DNAH11: variants seen among roughly 807,000 people sequenced by gnomAD.
The protein encoded by DNAH11 is axonemal beta dynein heavy chain 11.
In DNAH11, 442 loss-of-function variants were observed where a neutral mutation model predicts 526.0. That is an observed-to-expected ratio of 0.84 (90% CI 0.78 to 0.91). DNAH11 has a LOEUF of 0.91. DNAH11 is among the 40% of genes least tolerant of loss of function. DNAH11 has a pLI of 0.00. For missense variants in DNAH11, 6,989 were observed against 5,448.7 expected (o/e 1.28, Z -8.90); for synonymous variants, 2,461 against 1,935.9 (o/e 1.27, Z -7.12).
At position 21,816,653 on chromosome 7, in the gene DNAH11, A is replaced by G. The variant is rs1789807654; in HGVS notation, c.10519A>G (p.Lys3507Glu). Residue 3507 changes from lysine to glutamate, a missense_variant, in exon 64 of 82, where the codon AAG (lysine) becomes GAG (glutamate). Coordinates refer to ENST00000409508, the MANE Select transcript of DNAH11 (RefSeq NM_001277115.2). ...CCAGCAACAGGGAATTAAGTGGATCAAGAATAAGTATGGAATGGACCTGAA... is the reference window on the plus strand; with the variant it reads ...CCAGCAACAGGGAATTAAGTGGATCGAGAATAAGTATGGAATGGACCTGAA... ...DPQQQGIKWI[K>E]NKYGMDLKVT... is the part of the protein sequence containing the mutation. 5.6e-6 allele frequency: 9 copies of G among 1,613,578 alleles called. No homozygotes were observed. Among genetic ancestry groups the G allele is most frequent in the African/African-American group, 1.3e-5 (1 of 74,892 alleles).
chr7:21,783,608 T>C (rs1035972528), intron 57 of DNAH11, among the ~76,000 whole-genome samples: 4 of 152,148 alleles, frequency 2.6e-5, no homozygotes, highest in African/African-American at 9.7e-5. Flanking sequence ...TCAGATTCTA[T>C]AGGTATCTTA....
chr7:21,681,282 C>T (rs545648765), intron 30 of DNAH11, among the ~76,000 whole-genome samples: 9 of 152,168 alleles, frequency 5.9e-5, no homozygotes, highest in Admixed American at 4.6e-4. Context: ...TAAGAATTAG[C>T]TGGGCGTGGT....
In DNAH11 at chr7:21,705,704, T is replaced by C. The variant is rs975423814; in HGVS notation, c.6546+167T>C. ...CTTGCTGCTTGATCAATTGACATTC[T>C]TTTCCTTTATATTGGGTCAGCGGGG... On this transcript the variant is annotated intron_variant, in intron 39 of 81. Transcript: ENST00000409508. 4.6e-5 allele frequency among the ~76,000 whole-genome samples: 7 copies of C among 152,096 alleles called. 1 individual carries two copies. Among genetic ancestry groups the C allele is most frequent in the African/African-American group, 1.7e-4 (7 of 41,410 alleles).
intron 25 of DNAH11, among the ~76,000 whole-genome samples, chr7:21,624,067 A>G (rs1263363045): frequency 1.3e-5 from 2 of 151,992 alleles, no homozygotes; most frequent in Admixed American, 6.6e-5. Context: ...GTACCTCTTA[A>G]AGGTCTCACC....
At chr7:21,661,671 A>C (rs1256062715) in intron 30 of DNAH11, among the ~76,000 whole-genome samples, 1 of 152,104 alleles carries the variant, frequency 6.6e-6, no homozygotes, top group Non-Finnish European at 1.5e-5. Flanking sequence ...AGTAGACTCA[A>C]ATCTCAGCTT....
rs775582786 is a variant in DNAH11 at position 21,773,981 on chromosome 7, A to G, written c.9318A>G (p.Leu3106=). 4.5e-6 allele frequency: 7 copies of G among 1,567,932 alleles called. No individual in the cohort carries two copies. Among genetic ancestry groups the G allele is most frequent in the East Asian group, 2.3e-5 (1 of 42,772 alleles). The change falls in exon 56 of 82, where the codon CTA becomes CTG. Residue 3106 remains leucine, a synonymous_variant. Transcript: ENST00000409508. ...KERLVNGIQK[L]KTTASQVGDL... is the part of the protein sequence containing the mutation. The stretch of plus-strand genomic sequence containing the variant: ...GCCTGGTGAACGGCATCCAAAAGCT[A>G]AAAACCACAGCCTCTCAGGTATGAC...
chr7:21,602,119 C>T (rs1195278300), intron 18 of DNAH11, among the ~76,000 whole-genome samples: 6 of 152,042 alleles, frequency 3.9e-5, no homozygotes, highest in African/African-American at 1.2e-4. Context: ...GCAGGCAGAT[C>T]ACCTGAGGTT....
chr7:21,751,823 A>G (rs1372858933), intron 54 of DNAH11, among the ~76,000 whole-genome samples: 1 of 152,358 alleles, frequency 6.6e-6, no homozygotes. Context: ...TCCATCAAAA[A>G]TAGGACTAAG....
intron 2 of DNAH11, among the ~76,000 whole-genome samples, chr7:21,548,779 G>C (rs576699314): frequency 2.6e-5 from 4 of 152,304 alleles, no homozygotes; most frequent in African/African-American, 9.6e-5. Context: ...ATTGAACTCT[G>C]CCCCCTGCCT....
chr7:21,654,337 G>A (rs902272104), intron 28 of DNAH11, among the ~76,000 whole-genome samples: 5 of 152,066 alleles, frequency 3.3e-5, no homozygotes, highest in Non-Finnish European at 7.4e-5. Flanking sequence ...TACAAGATAC[G>A]ACGTGTGGTA....
chr7:21,852,343 G>A (rs971809691), intron 66 of DNAH11, 124 bp from the exon 67 acceptor site: 90 of 937,662 alleles, frequency 9.6e-5, no homozygotes, highest in Admixed American at 1.2e-4. Flanking sequence ...GGAGGCACAC[G>A]TCGCAGTGAG....
intron 74 of DNAH11, among the ~76,000 whole-genome samples, chr7:21,880,500 A>G (rs1315391678): frequency 1.3e-5 from 2 of 152,270 alleles, no homozygotes; most frequent in Non-Finnish European, 2.9e-5. Flanking sequence ...GAAGCAAAAT[A>G]AAAGTATTCC....
At chr7:21,778,857 C>G in intron 56 of DNAH11, 101 bp from the exon 57 acceptor site, 3 of 1,410,194 alleles carry the variant, frequency 2.1e-6, no homozygotes, top group South Asian at 3.0e-5. Context: ...ATGCAAGATA[C>G]AAATTGTTAG....
chr7:21,702,072 T>C (rs973771753), intron 36 of DNAH11, among the ~76,000 whole-genome samples: 7 of 152,120 alleles, frequency 4.6e-5, no homozygotes, highest in East Asian at 1.9e-4. Context: ...AAAAATGTAA[T>C]TGGTCCCAGG....
intron 25 of DNAH11, among the ~76,000 whole-genome samples, chr7:21,626,689 T>G (rs1786351761): frequency 6.6e-6 from 1 of 151,882 alleles, no homozygotes; most frequent in African/African-American, 2.4e-5. Flanking sequence ...TTTGCATTTC[T>G]CTTAGGATTA....
chr7:21,818,174 G>A, intron 64 of DNAH11, 43 bp from the exon 65 acceptor site: 1 of 1,583,320 alleles, frequency 6.3e-7, no homozygotes, highest in East Asian at 2.3e-5. Context: ...AACATTTTGT[G>A]CCAATTTACA....
rs529056961 is a variant in DNAH11 at position 21,758,126 on chromosome 7, A to G, written c.8941-7302A>G. ...AAACACTCTAACAACTGGCTTGCCC[A>G]GCACTGGTTCCAGAGCTCTGTAAGT... On this transcript the variant is annotated intron_variant, in intron 54 of 81. Coordinates refer to ENST00000409508, the MANE Select transcript of DNAH11 (RefSeq NM_001277115.2). Among the ~76,000 whole-genome samples the G allele has an allele frequency of 3.3e-5, 5 of 152,342 alleles. No homozygotes were observed. The South Asian group carries it at 8.3e-4, about 25-fold the overall frequency.
At chr7:21,689,300 T>G (rs1326299074) in intron 34 of DNAH11, among the ~76,000 whole-genome samples, 4 of 152,266 alleles carry the variant, frequency 2.6e-5, no homozygotes, top group Non-Finnish European at 5.9e-5. Flanking sequence ...AACTGATCCA[T>G]GTACTGATTT....
At chr7:21,632,424 A>C (rs897442617) in intron 25 of DNAH11, among the ~76,000 whole-genome samples, 2 of 152,170 alleles carry the variant, frequency 1.3e-5, no homozygotes, top group Admixed American at 1.3e-4. Flanking sequence ...TCGGGCTACA[A>C]ATTTTCTGAA....
Sources: allele counts gnomAD v4.1 joint callset (sites outside exome capture counted in the v4.1 genomes callset), GRCh38; gene constraint gnomAD v4.1.1; transcripts MANE v1.5; gene names NCBI Gene and HGNC (gene_info 2026-07-23, HGNC 2026-07-21).